Variants in PCCA observed in about 807,000 individuals in gnomAD.
The protein encoded by PCCA is propionyl-CoA carboxylase alpha chain, mitochondrial.
Under a neutral mutation model 101.3 loss-of-function variants are expected in PCCA, and 74 were observed. The observed-to-expected ratio is 0.73, with a 90% CI of 0.61 to 0.89. The LOEUF is 0.89. Ranked by LOEUF, PCCA falls within the 40% of genes least tolerant of loss-of-function variation. The pLI is 0.00. For synonymous variants in PCCA, 294 were observed against 313.6 expected, an observed-to-expected ratio of 0.94 and a Z score of 0.66; for missense variants, 891 against 907.0, an observed-to-expected ratio of 0.98 and a Z score of 0.23.
At chr13:100,204,131 G>A (rs1354208237) in intron 6 of PCCA, among the ~76,000 whole-genome samples, 2 of 147,456 alleles carry the variant, frequency 1.4e-5, no homozygotes, top group African/African-American at 5.0e-5. Flanking sequence ...TTTTTCCGTG[G>A]CTTTTTTTTT....
intron 19 of PCCA, among the ~76,000 whole-genome samples, chr13:100,386,436 C>T (rs906622042): frequency 6.6e-6 from 1 of 152,062 alleles, no homozygotes; most frequent in East Asian, 1.9e-4. Flanking sequence ...TGCTGGGGTG[C>T]AGTGGCGCGA....
At chr13:100,227,601 G>A (rs1030650150) in intron 7 of PCCA, among the ~76,000 whole-genome samples, 3 of 152,098 alleles carry the variant, frequency 2.0e-5, no homozygotes, top group Admixed American at 1.3e-4. Context: ...CCTTTTCTCC[G>A]TTTCTTAAGC....
intron 22 of PCCA, among the ~76,000 whole-genome samples, chr13:100,520,656 AAG>A (rs1491008761): frequency 4.6e-5 from 7 of 150,606 alleles, no homozygotes; most frequent in South Asian, 2.1e-4. Flanking sequence ...AAAAAAAAAA[AAG>A]AGTTGGTTTT....
chr13:100,450,927 A>G (rs2081176405), intron 21 of PCCA, among the ~76,000 whole-genome samples: 1 of 152,234 alleles, frequency 6.6e-6, no homozygotes, highest in Admixed American at 6.5e-5. Flanking sequence ...AGAGAAATGG[A>G]ATCAACAAGA....
chr13:100,186,005 G>T (rs1444395282), intron 6 of PCCA, among the ~76,000 whole-genome samples: 1 of 152,164 alleles, frequency 6.6e-6, no homozygotes, highest in Non-Finnish European at 1.5e-5. Context: ...CATTTTCACT[G>T]TATTTATTAT....
chr13:100,330,775 T>C, intron 17 of PCCA, 104 bp downstream of exon 17: 2 of 715,900 alleles, frequency 2.8e-6, no homozygotes, highest in Non-Finnish European at 4.9e-6. Context: ...TTTTGGCTTA[T>C]ATTATACTTC....
At chr13:100,408,754 A>G (rs1208400616) in intron 19 of PCCA, among the ~76,000 whole-genome samples, 1 of 152,146 alleles carries the variant, frequency 6.6e-6, no homozygotes, top group African/African-American at 2.4e-5. Flanking sequence ...TTCACAACCA[A>G]CACCTTGCAG....
At chr13:100,116,923 A>G (rs1170685965) in intron 4 of PCCA, among the ~76,000 whole-genome samples, 1 of 152,202 alleles carries the variant, frequency 6.6e-6, no homozygotes, top group African/African-American at 2.4e-5. Context: ...AGAGCTGTGC[A>G]AAAACAGCCC....
chr13:100,117,687 G>A (rs1200868374), intron 4 of PCCA, among the ~76,000 whole-genome samples: 1 of 151,996 alleles, frequency 6.6e-6, no homozygotes, highest in African/African-American at 2.4e-5. Context: ...ACGAGTTGAT[G>A]GGTGCAGCAA....
At chr13:100,512,779 C>T (rs186383750) in intron 21 of PCCA, among the ~76,000 whole-genome samples, 1 of 152,318 alleles carries the variant, frequency 6.6e-6, no homozygotes, top group East Asian at 1.9e-4. Context: ...TTCTTGAAAA[C>T]AACCACAAAA....
intron 15 of PCCA, among the ~76,000 whole-genome samples, chr13:100,309,391 C>A (rs1388073487): frequency 6.6e-6 from 1 of 152,066 alleles, no homozygotes; most frequent in Non-Finnish European, 1.5e-5. Context: ...AGCGAGACTC[C>A]ATCTCAAAAA....
intron 12 of PCCA, among the ~76,000 whole-genome samples, chr13:100,274,673 CTCTCTGTGCA>C (rs2063521624): frequency 6.6e-6 from 1 of 152,144 alleles, no homozygotes; most frequent in Non-Finnish European, 1.5e-5. Context: ...ATATTGCCTT[CTCTCTGTGCA>C]TCTCTGTGCC....
chr13:100,124,098 C>A (rs1024673578), intron 4 of PCCA, among the ~76,000 whole-genome samples: 1 of 151,980 alleles, frequency 6.6e-6, no homozygotes, highest in Non-Finnish European at 1.5e-5. Flanking sequence ...TGTCTTTCCA[C>A]AAAAATGGTA....
chr13:100,383,405 T>A lies in PCCA; in HGVS notation c.1746+14831T>A, dbSNP rs995824120. On this transcript the variant is annotated intron_variant, in intron 19 of 23. Coordinates refer to ENST00000376285, the MANE Select transcript of PCCA (RefSeq NM_000282.4). Reference sequence around the variant, plus strand: ...ACATTGAGAGGCTAAGGCGGGAGGATCACTTGAGCCCAGGAGGTCTAGACC... The same window carrying A: ...ACATTGAGAGGCTAAGGCGGGAGGAACACTTGAGCCCAGGAGGTCTAGACC... 4.0e-4 allele frequency among the ~76,000 whole-genome samples: 61 copies of A among 152,072 alleles called. 1 individual carries two copies. The highest frequency in any genetic ancestry group is 1.4e-3 in the African/African-American group (60 of 41,532).
At chr13:100,430,247 C>A (rs550536518) in intron 20 of PCCA, among the ~76,000 whole-genome samples, 1 of 151,926 alleles carries the variant, frequency 6.6e-6, no homozygotes, top group Non-Finnish European at 1.5e-5. Context: ...GCCTGGGCAA[C>A]AAGAGTGAAA....
intron 18 of PCCA, among the ~76,000 whole-genome samples, chr13:100,361,913 C>T (rs1387722122): frequency 2.0e-5 from 3 of 152,074 alleles, no homozygotes; most frequent in Admixed American, 2.0e-4. Flanking sequence ...GAAGACATAC[C>T]TCTTTAAGGG....
intron 1 of PCCA, among the ~76,000 whole-genome samples, chr13:100,099,315 C>CTTTT (rs940373587): frequency 4.0e-5 from 5 of 124,506 alleles, no homozygotes; most frequent in Admixed American, 8.1e-5. Flanking sequence ...GCTATCTAAT[C>CTTTT]TTTTTTTTTT....
chr13:100,264,125 G>A (rs1006106714), intron 10 of PCCA, among the ~76,000 whole-genome samples: 4 of 98,600 alleles, frequency 4.1e-5, no homozygotes, highest in Non-Finnish European at 6.7e-5. Context: ...TCTGTATATC[G>A]TATATATATG....
intron 16 of PCCA, among the ~76,000 whole-genome samples, chr13:100,324,535 A>C (rs2068432533): frequency 6.6e-6 from 1 of 152,246 alleles, no homozygotes; most frequent in Non-Finnish European, 1.5e-5. Flanking sequence ...TAGAGATACT[A>C]GTCTGTTTCA....
Sources: gnomAD v4.1 joint callset for allele counts (sites outside exome capture counted in the v4.1 genomes callset) on GRCh38, gnomAD v4.1.1 for gene constraint, MANE v1.5 for transcripts, NCBI Gene and HGNC (gene_info 2026-07-23, HGNC 2026-07-21) for gene names.